PDE7B: variants seen among roughly 807,000 people sequenced by gnomAD.
The protein encoded by PDE7B is 3',5'-cyclic-AMP phosphodiesterase 7B.
A neutral mutation model predicts 56.2 loss-of-function variants in PDE7B; 29 were observed. The observed-to-expected ratio is 0.52, with a 90% CI of 0.38 to 0.70. PDE7B has a LOEUF of 0.70. Ranked by LOEUF, PDE7B falls within the 30% of genes least tolerant of loss-of-function variation. The probability of loss-of-function intolerance (pLI) is 0.00; values close to 1 mark genes in which losing one functional copy is unlikely to be tolerated. For synonymous variants in PDE7B, 197 were observed against 196.9 expected (o/e 1.00, Z 0.00); for missense variants, 490 against 565.0 (o/e 0.87, Z 1.35).
In PDE7B at chr6:135,931,952, C is replaced by T. The variant is rs780020362; in HGVS notation, c.22-15512C>T. 2.8e-4 allele frequency among the ~76,000 whole-genome samples: 8 copies of T among 28,170 alleles called. No individual in the cohort carries two copies. In the Admixed American group the frequency reaches 3.8e-3, roughly 13 times the overall value. 18.5% of individuals were successfully genotyped at this position (28,170 alleles called of 152,430 possible). A position where few individuals can be genotyped will look rare whatever the true frequency, so the allele number is the denominator to read the frequency against. ...GTTACCGCGCACACACACACGCGCG[C>T]GCACACACACACACACACACACACA... On this transcript the variant is annotated intron_variant, in intron 1 of 12. Coordinates refer to ENST00000308191, the MANE Select transcript of PDE7B (RefSeq NM_018945.4).
chr6:136,187,012 T>TTTTC (rs142417463), intron 11 of PDE7B, 24 bp from the exon 12 acceptor site: 22 of 1,275,910 alleles, frequency 1.7e-5, no homozygotes, highest in East Asian at 1.2e-4. Context: ...CAATGTGTTT[T>TTTTC]TTTCTTTCTT....
At chr6:135,944,765 CT>C (rs1315888499) in intron 1 of PDE7B, among the ~76,000 whole-genome samples, 4 of 152,208 alleles carry the variant, frequency 2.6e-5, no homozygotes, top group East Asian at 3.9e-4. Flanking sequence ...ACCAATGTGC[CT>C]GTTGAGTGGC....
rs145228557 is a variant in PDE7B, at chr6:135,946,335, T to C, written c.22-1129T>C. Among the ~76,000 whole-genome samples the C allele has an allele frequency of 2.2e-3, 339 of 151,966 alleles. 11 individuals are homozygous for C. The East Asian group carries it at 0.057, about 26-fold the overall frequency. On this transcript the variant is annotated intron_variant, in intron 1 of 12. Coordinates refer to ENST00000308191, the MANE Select transcript of PDE7B (RefSeq NM_018945.4). The stretch of plus-strand genomic sequence containing the variant: ...GCTCTAATTCATTTTAACTGTTGTG[T>C]AGTATTCCACTTATGAATAATACTT...
chr6:135,971,531 G>A (rs900381769), intron 2 of PDE7B, among the ~76,000 whole-genome samples: 3 of 152,164 alleles, frequency 2.0e-5, no homozygotes, highest in Non-Finnish European at 4.4e-5. Flanking sequence ...AGCAGCATGT[G>A]AGCATGTGTG....
intron 2 of PDE7B, among the ~76,000 whole-genome samples, chr6:136,016,461 G>A (rs147612724): frequency 7.3e-4 from 111 of 152,242 alleles, no homozygotes; most frequent in African/African-American, 2.3e-3. Context: ...CCTAATAAGC[G>A]CTCGATAAAT....
At chr6:136,037,079 C>T (rs1447196640) in intron 2 of PDE7B, among the ~76,000 whole-genome samples, 1 of 152,234 alleles carries the variant, frequency 6.6e-6, no homozygotes, top group East Asian at 1.9e-4. Context: ...CAACCACTCT[C>T]AGGTCGGGGA....
intron 1 of PDE7B, among the ~76,000 whole-genome samples, chr6:135,881,884 AAC>A (rs1338313559): frequency 6.6e-6 from 1 of 152,242 alleles, no homozygotes; most frequent in African/African-American, 2.4e-5. Context: ...TTTAAAAAAA[AAC>A]AGACTTGAAA....
At chr6:136,010,378 A>G (rs936966344) in intron 2 of PDE7B, among the ~76,000 whole-genome samples, 1 of 140,658 alleles carries the variant, frequency 7.1e-6, no homozygotes, top group African/African-American at 2.7e-5. Flanking sequence ...ATGTCATCCC[A>G]TTATTCCCTT....
chr6:136,005,048 T>C (rs959755744), intron 2 of PDE7B, among the ~76,000 whole-genome samples: 40 of 152,180 alleles, frequency 2.6e-4, no homozygotes, highest in African/African-American at 9.6e-4. Context: ...GAAATAACGC[T>C]GCATATCTAC....
intron 2 of PDE7B, among the ~76,000 whole-genome samples, chr6:136,014,150 T>C (rs543978865): frequency 6.6e-6 from 1 of 152,354 alleles, no homozygotes; most frequent in East Asian, 1.9e-4. Flanking sequence ...AAAAGATATT[T>C]ATTGAGATTA....
chr6:135,906,459 AAC>A (rs1212029934), intron 1 of PDE7B, among the ~76,000 whole-genome samples: 4 of 152,146 alleles, frequency 2.6e-5, no homozygotes, highest in Non-Finnish European at 5.9e-5. Flanking sequence ...CAGTCTTCTG[AAC>A]AGTCATCATT....
intron 1 of PDE7B, among the ~76,000 whole-genome samples, chr6:135,913,379 G>A (rs761727440): frequency 6.6e-6 from 1 of 152,010 alleles, no homozygotes; most frequent in South Asian, 2.1e-4. Flanking sequence ...TAAGGCCCAG[G>A]GTTCCTGCTG....
At chr6:136,184,072 T>C (rs896127767) in intron 11 of PDE7B, among the ~76,000 whole-genome samples, 2 of 152,218 alleles carry the variant, frequency 1.3e-5, no homozygotes, top group Admixed American at 6.5e-5. Flanking sequence ...AACATCTGCT[T>C]CCAGCCTTGT....
rs1488127306 is a variant in PDE7B, at chr6:136,010,776, G to T, written c.82+63252G>T. 2.6e-5 allele frequency among the ~76,000 whole-genome samples: 4 copies of T among 152,242 alleles called. No homozygotes were observed. The East Asian group carries it at 7.7e-4, about 29-fold the overall frequency. On this transcript the variant is annotated intron_variant, in intron 2 of 12. Coordinates refer to ENST00000308191, the MANE Select transcript of PDE7B (RefSeq NM_018945.4). ...CATGAGATTTGGGTGGGAACACAGA[G>T]CCAAACCATATCAGAGGTCAAAATT...
intron 2 of PDE7B, among the ~76,000 whole-genome samples, chr6:135,997,809 G>A (rs142037008): frequency 3.3e-5 from 5 of 152,290 alleles, no homozygotes; most frequent in Admixed American, 6.5e-5. Flanking sequence ...TAATATATAT[G>A]TAGGGATAAG....
At chr6:135,913,448 T>C (rs1483084112) in intron 1 of PDE7B, among the ~76,000 whole-genome samples, 2 of 152,222 alleles carry the variant, frequency 1.3e-5, no homozygotes, top group Non-Finnish European at 2.9e-5. Flanking sequence ...ATAGCTTGAC[T>C]GGAATCCAGC....
intron 2 of PDE7B, among the ~76,000 whole-genome samples, chr6:136,050,119 G>A (rs145583785): frequency 9.6e-4 from 146 of 152,268 alleles, no homozygotes; most frequent in Middle Eastern, 3.4e-3. Context: ...AACTCCAGCC[G>A]AGGCTTCTCT....
At chr6:135,902,320 A>G (rs1776016998) in intron 1 of PDE7B, among the ~76,000 whole-genome samples, 1 of 144,980 alleles carries the variant, frequency 6.9e-6, no homozygotes, top group African/African-American at 2.6e-5. Context: ...GTTTTGGCTC[A>G]TTATGTGAAG....
At chr6:136,069,026 T>C (rs1044276805) in intron 2 of PDE7B, among the ~76,000 whole-genome samples, 1 of 152,170 alleles carries the variant, frequency 6.6e-6, no homozygotes, top group African/African-American at 2.4e-5. Flanking sequence ...CACCTGTGCC[T>C]GAATTCCTAA....
Sources: gnomAD v4.1 joint callset for allele counts (sites outside exome capture counted in the v4.1 genomes callset) on GRCh38, gnomAD v4.1.1 for gene constraint, MANE v1.5 for transcripts, NCBI Gene and HGNC (gene_info 2026-07-23, HGNC 2026-07-21) for gene names.